PPM1B: variants seen among roughly 807,000 people sequenced by gnomAD.
PPM1B encodes the protein protein phosphatase, Mg2+/Mn2+ dependent 1B.
In PPM1B, 22 loss-of-function variants were observed where a neutral mutation model predicts 43.0. The observed-to-expected ratio is 0.51, with a 90% CI of 0.37 to 0.73. The LOEUF is 0.73. PPM1B is among the 30% of genes least tolerant of loss of function. The pLI, the probability that PPM1B is intolerant of heterozygous loss-of-function variation, is 0.00. For synonymous variants in PPM1B, 217 were observed against 197.9 expected, an observed-to-expected ratio of 1.10 and a Z score of -0.81; for missense variants, 632 against 584.2, an observed-to-expected ratio of 1.08 and a Z score of -0.84.
At position 44,218,002 on chromosome 2, in the gene PPM1B, G is replaced by A. The variant is rs1669802255; in HGVS notation, c.1000G>A (p.Asp334Asn). 1 of 1,608,078 alleles carries A rather than the reference G, an allele frequency of 6.2e-7. No individual in the cohort carries two copies. The highest frequency in any genetic ancestry group is 8.5e-7 in the Non-Finnish European group (1 of 1,178,378). Residue 334 changes from aspartate to asparagine, a missense_variant, in exon 4 of 6, where the codon GAT becomes AAT. By Grantham distance (23) the Asp-to-Asn change is conservative. This residue lies in a region of PPM1B where 392 missense variants were observed against 302.7 expected (regional missense o/e 1.29). Coordinates refer to ENST00000282412, the MANE Select transcript of PPM1B (RefSeq NM_002706.6). ...GAAGTCTGGCGAGGAAGGAATGCCT[G>A]ATCTTGCCCATGTCATGCGCATCTT... ...MEKSGEEGMP[D>N]LAHVMRILSA... is the part of the protein sequence containing the mutation.
chr2:44,209,555 G>C, intron 3 of PPM1B: 1 of 401,190 alleles, frequency 2.5e-6, no homozygotes, highest in Non-Finnish European at 4.5e-6. Flanking sequence ...GCTGAGGCGG[G>C]CAGATCATGA....
downstream of PPM1B, among the ~76,000 whole-genome samples, chr2:44,246,499 C>T (rs1431255362): frequency 6.6e-6 from 1 of 152,154 alleles, no homozygotes; most frequent in Non-Finnish European, 1.5e-5. Flanking sequence ...AGTACTGAGG[C>T]CCTGTGGGAG....
intron 5 of PPM1B, among the ~76,000 whole-genome samples, chr2:44,228,187 C>CTT (rs372577752): frequency 0.018 from 2,112 of 115,134 alleles, 64 homozygotes; most frequent in African/African-American, 0.051. Context: ...CTAACAAGCC[C>CTT]TTTTTTTTTT....
At chr2:44,195,091 C>G (rs1453409513) in intron 1 of PPM1B, among the ~76,000 whole-genome samples, 1 of 151,816 alleles carries the variant, frequency 6.6e-6, no homozygotes, top group African/African-American at 2.4e-5. Context: ...CAGGGTTTCA[C>G]CATATTGGCC....
At position 44,229,109 on chromosome 2, in the gene PPM1B, G is replaced by A. The variant is rs188608934; in HGVS notation, c.1135-1304G>A. On this transcript the variant is annotated intron_variant, in intron 5 of 5. Transcript: ENST00000282412. ...AGGCAGGAGAATCGCTTAAATCCTC[G>A]AGGTGGAGGTTGTGGTGAGCCGAGA... Among the ~76,000 whole-genome samples, 392 of 151,396 alleles carry A rather than the reference G, an allele frequency of 2.6e-3. 1 individual carries two copies. Among genetic ancestry groups the A allele is most frequent in the African/African-American group, 8.8e-3 (364 of 41,288 alleles).
chr2:44,232,420 A>T (rs771372094), downstream of PPM1B: 4 of 1,586,462 alleles, frequency 2.5e-6, no homozygotes, highest in Non-Finnish European at 3.4e-6. Context: ...TTTCTTCAAT[A>T]CAAGGGGAAA....
intron 5 of PPM1B, among the ~76,000 whole-genome samples, chr2:44,226,521 T>G (rs1353509638): frequency 6.6e-6 from 1 of 152,158 alleles, no homozygotes; most frequent in Admixed American, 6.5e-5. Flanking sequence ...CCTGGCTGTA[T>G]ATCAGAATTA....
chr2:44,230,428 G>T lies in PPM1B; in HGVS notation c.1150G>T (p.Glu384Ter). ...RESDGASDEAEESGSQGKLVE... is the reference protein window; with the variant it reads ...RESDGASDEA ...TTAAAAAAAGGCCTCCGATGAAGCA[G>T]AGGAAAGTGGATCACAGGGAAAATT... Residue 384 changes from glutamate (E) to a stop codon, truncating the protein, a stop_gained, in exon 6 of 6, where the codon GAG becomes TAG. Transcript: ENST00000282412. LOFTEE classifies it high-confidence loss of function. 1.9e-6 allele frequency: 3 copies of T among 1,614,084 alleles called. No homozygotes were observed. Among genetic ancestry groups the T allele is most frequent in the Non-Finnish European group, 2.5e-6 (3 of 1,179,942 alleles).
At chr2:44,194,448 G>A (rs1558402359) in intron 1 of PPM1B, among the ~76,000 whole-genome samples, 1 of 152,170 alleles carries the variant, frequency 6.6e-6, no homozygotes, top group Non-Finnish European at 1.5e-5. Flanking sequence ...AGCAGGCCGG[G>A]CGTGTTGGCT....
downstream of PPM1B, chr2:44,232,858 T>A (rs975408414): frequency 5.1e-6 from 5 of 971,202 alleles, no homozygotes; most frequent in Non-Finnish European, 6.1e-6. Flanking sequence ...TTATTGATTG[T>A]TATTTAATTT....
chr2:44,187,748 T>A (rs1668192783), intron 1 of PPM1B, among the ~76,000 whole-genome samples: 1 of 152,174 alleles, frequency 6.6e-6, no homozygotes, highest in South Asian at 2.1e-4. Flanking sequence ...CTCTGTGATG[T>A]TCACCTTTAC....
At chr2:44,202,471 A>C (rs943356391) in intron 2 of PPM1B, among the ~76,000 whole-genome samples, 7 of 152,238 alleles carry the variant, frequency 4.6e-5, no homozygotes, top group Admixed American at 2.6e-4. Flanking sequence ...TAGCCTGTAT[A>C]AAATTTAGTC....
At chr2:44,189,723 C>G (rs1426369229) in intron 1 of PPM1B, among the ~76,000 whole-genome samples, 1 of 152,168 alleles carries the variant, frequency 6.6e-6, no homozygotes, top group African/African-American at 2.4e-5. Context: ...CCTTGGCCTC[C>G]CAAAGTGCTG....
At chr2:44,233,841 AGTGCTTTACATGATGAT>A (rs1056450939), downstream of PPM1B, 3 of 985,702 alleles carry the variant, frequency 3.0e-6, no homozygotes, top group Admixed American at 1.8e-4. Flanking sequence ...TGTAAGTTAA[AGTGCTTTACATGATGAT>A]GTGAAAAGCT....
rs80035161 is a variant in PPM1B at position 44,187,113 on chromosome 2, A to G, written c.-14-14073A>G. Among the ~76,000 whole-genome samples, 760 of 152,312 alleles carry G rather than the reference A, an allele frequency of 5.0e-3. 8 individuals carry two copies. The highest frequency in any genetic ancestry group is 0.017 in the African/African-American group (719 of 41,576). On this transcript the variant is annotated intron_variant, in intron 1 of 5. Transcript: ENST00000282412. ...TCCCCTTCTACCTCCAGTCCATGGT[A>G]ACTATCACTCTGCTTTCTTTTTCTA...
intron 1 of PPM1B, among the ~76,000 whole-genome samples, chr2:44,184,654 T>A (rs1459849866): frequency 6.6e-6 from 1 of 152,168 alleles, no homozygotes; most frequent in Non-Finnish European, 1.5e-5. Flanking sequence ...CAAAACTGAC[T>A]ACTTGATAGA....
intron 5 of PPM1B, among the ~76,000 whole-genome samples, chr2:44,219,777 C>T (rs566646579): frequency 3.3e-5 from 5 of 152,046 alleles, no homozygotes; most frequent in African/African-American, 1.2e-4. Flanking sequence ...AACCCCGTCT[C>T]TACTAAACAT....
At chr2:44,172,692 G>A (rs1191734894) in intron 1 of PPM1B, among the ~76,000 whole-genome samples, 2 of 152,078 alleles carry the variant, frequency 1.3e-5, no homozygotes, top group Non-Finnish European at 2.9e-5. Context: ...GGGAGGCTGA[G>A]GCAGATGGAT....
In PPM1B at chr2:44,185,197, G is replaced by T. The variant is rs114458375; in HGVS notation, c.-15+15923G>T. 7.7e-3 allele frequency among the ~76,000 whole-genome samples: 1,164 copies of T among 152,060 alleles called. 10 individuals are homozygous for T. The highest frequency in any genetic ancestry group is 0.013 in the Non-Finnish European group (880 of 67,960). On this transcript the variant is annotated intron_variant, in intron 1 of 5. Coordinates refer to ENST00000282412, the MANE Select transcript of PPM1B (RefSeq NM_002706.6). ...TCTAGTTTCTTTCAGCATTGTTAAT[G>T]AGATTCATCTAAGTTCCTGCCTATA... is the stretch of plus-strand genomic sequence containing the variant.
Sources: gnomAD v4.1 joint callset for allele counts (sites outside exome capture counted in the v4.1 genomes callset) on GRCh38, gnomAD v4.1.1 for gene constraint, gnomAD v4.1.1 regional missense constraint, MANE v1.5 for transcripts, NCBI Gene and HGNC (gene_info 2026-07-23, HGNC 2026-07-21) for gene names.